Variants in HLA-DQB2 observed in about 807,000 individuals in gnomAD.
HLA-DQB2 encodes the protein HLA class II histocompatibility antigen, DQ beta 2 chain.
Under a neutral mutation model 29.2 loss-of-function variants are expected in HLA-DQB2, and 24 were observed. The observed-to-expected ratio is 0.82, with a 90% CI of 0.60 to 1.16. The LOEUF is 1.16. Among genes scored for constraint, HLA-DQB2 ranks in the 50% most tolerant of loss-of-function variants. HLA-DQB2 has a pLI of 0.00. For synonymous variants in HLA-DQB2, 104 were observed against 133.1 expected (o/e 0.78, Z 1.51); for missense variants, 273 against 343.6 (o/e 0.79, Z 1.62).
At chr6:32,761,963 A>C in intron 1 of HLA-DQB2, 37 bp from the exon 2 acceptor site, 1 of 1,565,210 alleles carries the variant, frequency 6.4e-7, no homozygotes, top group African/African-American at 1.4e-5. Flanking sequence ...AGGCCCCAGC[A>C]CGGCCCTAGC....
chr6:32,760,786 T>C (rs1764715250), intron 2 of HLA-DQB2, among the ~76,000 whole-genome samples: 1 of 152,256 alleles, frequency 6.6e-6, no homozygotes, highest in African/African-American at 2.4e-5. Flanking sequence ...GCGTTGTTTT[T>C]ATTTTCAGCA....
chr6:32,759,680 C>G (rs1022314403), intron 2 of HLA-DQB2, among the ~76,000 whole-genome samples: 2 of 141,250 alleles, frequency 1.4e-5, no homozygotes, highest in Non-Finnish European at 3.2e-5. Flanking sequence ...CCTTTTAACC[C>G]TCAAGATAGT....
chr6:32,757,180 C>A, intron 5 of HLA-DQB2, 101 bp downstream of exon 5: 3 of 1,525,128 alleles, frequency 2.0e-6, no homozygotes, highest in Non-Finnish European at 2.7e-6. Context: ...CCACCACGTC[C>A]AGCTAATTTT....
intron 1 of HLA-DQB2, among the ~76,000 whole-genome samples, chr6:32,762,223 T>C (rs529035516): frequency 2.0e-5 from 3 of 152,210 alleles, no homozygotes; most frequent in Non-Finnish European, 2.9e-5. Context: ...AAGAGGGCAG[T>C]CGGACCGATT....
In HLA-DQB2 at chr6:32,756,146, A is replaced by G. The variant is rs1764245914; in HGVS notation, c.*307T>C. On this transcript the variant is annotated 3_prime_UTR_variant, in exon 6 of 6. Transcript: ENST00000437316. ...TGGGAAAAAGCACTAAAGTCAGGTA[A>G]ATGATTTTGTTTGTCATGCTTCTCT... The G allele has an allele frequency of 1.6e-5, 7 of 437,690 alleles. No individual in the cohort carries two copies. The Admixed American group carries it at 2.3e-4, about 14-fold the overall frequency. 27.1% of individuals were successfully genotyped at this position (437,690 alleles called of 1,614,324 possible).
At chr6:32,759,962 C>T (rs1348445391) in intron 2 of HLA-DQB2, among the ~76,000 whole-genome samples, 4,033 of 104,496 alleles carry the variant, frequency 0.039, no homozygotes, top group Middle Eastern at 0.1. Context: ...TTCTTTAGGC[C>T]CTCCTTCCTG....
chr6:32,758,708 TG>T, intron 3 of HLA-DQB2, 141 bp downstream of exon 3: 1 of 926,586 alleles, frequency 1.1e-6, no homozygotes, highest in Non-Finnish European at 1.6e-6. Flanking sequence ...GTGCTTGCCA[TG>T]GGGCAACAGG....
intron 5 of HLA-DQB2, 43 bp downstream of exon 5, chr6:32,757,238 G>A (rs1764335885): frequency 6.5e-7 from 1 of 1,550,040 alleles, no homozygotes; most frequent in Non-Finnish European, 8.7e-7. Context: ...TCCCTCTTAT[G>A]CCTGTGCCCT....
intron 3 of HLA-DQB2, 69 bp downstream of exon 3, chr6:32,758,781 A>C: frequency 6.5e-7 from 1 of 1,540,914 alleles, no homozygotes; most frequent in Admixed American, 1.8e-5. Context: ...ATGGGATGGG[A>C]AGGATCAGCG....
At chr6:32,760,634 T>A (rs1279628875) in intron 2 of HLA-DQB2, among the ~76,000 whole-genome samples, 1 of 146,916 alleles carries the variant, frequency 6.8e-6, no homozygotes, top group Admixed American at 6.9e-5. Context: ...AGGGAGAAAA[T>A]CTACTCCAAA....
At position 32,756,818 on chromosome 6, in the gene HLA-DQB2, C is replaced by G. The variant is rs1054635743; in HGVS notation, c.782-352G>C. On this transcript the variant is annotated intron_variant, in intron 5 of 5. Coordinates refer to ENST00000437316, the MANE Select transcript of HLA-DQB2 (RefSeq NM_001300790.2). ...CTAACAAAATGTGGCACAAAGTGGGCATCACCCTACTATCTCACATTCAAG... is the reference window on the plus strand; with the variant it reads ...CTAACAAAATGTGGCACAAAGTGGGGATCACCCTACTATCTCACATTCAAG... 5.0e-6 allele frequency: 6 copies of G among 1,204,904 alleles called. No individual in the cohort carries two copies. The African/African-American group carries it at 9.2e-5, about 18-fold the overall frequency. 74.6% of individuals were successfully genotyped at this position (1,204,904 alleles called of 1,614,324 possible).
rs73402878 is a variant in HLA-DQB2 at position 32,760,457 on chromosome 6, C to T, written c.364+1203G>A. On this transcript the variant is annotated intron_variant, in intron 2 of 5. Coordinates refer to ENST00000437316, the MANE Select transcript of HLA-DQB2 (RefSeq NM_001300790.2). ...AAGTGTTTATCATGTACCAATATTA[C>T]GATATATAAAGTGGCAATGCTAATC... Among the ~76,000 whole-genome samples, 453 of 151,796 alleles carry T rather than the reference C, an allele frequency of 3.0e-3. 2 individuals are homozygous for T. The highest frequency in any genetic ancestry group is 0.01 in the African/African-American group (430 of 41,412).
At chr6:32,760,582 A>C (rs975826583) in intron 2 of HLA-DQB2, among the ~76,000 whole-genome samples, 1 of 152,240 alleles carries the variant, frequency 6.6e-6, no homozygotes, top group Non-Finnish European at 1.5e-5. Context: ...GGTAAAATTG[A>C]CGTTCAGAAT....
intron 2 of HLA-DQB2, among the ~76,000 whole-genome samples, chr6:32,760,048 A>G (rs192132979): frequency 9.3e-6 from 1 of 107,380 alleles, no homozygotes; most frequent in Admixed American, 9.5e-5. Context: ...GAAAGTAAAA[A>G]TAGAGGGCAC....
At chr6:32,762,797 C>T (rs11759467) in intron 1 of HLA-DQB2, among the ~76,000 whole-genome samples, 2 of 152,142 alleles carry the variant, frequency 1.3e-5, no homozygotes, top group Non-Finnish European at 2.9e-5. Context: ...TCCTATCATA[C>T]TAAATTCAGT....
Position 32,757,786 on chromosome 6 carries a change from G to A in HLA-DQB2, c.744C>T (p.His248=). Residue 248 remains histidine (H), a synonymous_variant, in exon 4 of 6, where the codon CAC becomes CAT. Coordinates refer to ENST00000437316, the MANE Select transcript of HLA-DQB2 (RefSeq NM_001300790.2). ...IFLGLGLIIR[H]RGQKGPRGPP... ...TGGGTTCCTCACCTTTCTGACCCCT[G>A]TGACGGATGATAAGGCCCAGCCCGA... is the stretch of plus-strand genomic sequence containing the variant. 1.2e-6 allele frequency: 2 copies of A among 1,605,726 alleles called. No individual in the cohort carries two copies. Among genetic ancestry groups the A allele is most frequent in the Non-Finnish European group, 1.7e-6 (2 of 1,177,746 alleles).
At chr6:32,761,603 GC>G in intron 2 of HLA-DQB2, 56 bp downstream of exon 2, 1 of 1,435,982 alleles carries the variant, frequency 7.0e-7, no homozygotes, top group Non-Finnish European at 9.1e-7. Context: ...CCCTCTGTGC[GC>G]AAGAGACTCG....
chr6:32,759,928 T>C (rs1301538589), intron 2 of HLA-DQB2, among the ~76,000 whole-genome samples: 2,783 of 92,216 alleles, frequency 0.03, no homozygotes, highest in Middle Eastern at 0.086. Context: ...GAAGGAATCT[T>C]GGTTTCTGCT....
At chr6:32,756,658 A>G in intron 5 of HLA-DQB2, 192 bp from the exon 6 acceptor site, 1 of 1,384,750 alleles carries the variant, frequency 7.2e-7, no homozygotes, top group Non-Finnish European at 9.3e-7. Flanking sequence ...CTTGATGCAG[A>G]TATGTGGAGG....
Sources: gnomAD v4.1 joint callset for allele counts (sites outside exome capture counted in the v4.1 genomes callset) on GRCh38, gnomAD v4.1.1 for gene constraint, MANE v1.5 for transcripts, NCBI Gene and HGNC (gene_info 2026-07-23, HGNC 2026-07-21) for gene names.